BBS1: variants seen among roughly 807,000 people sequenced by gnomAD.
The protein encoded by BBS1 is BBSome complex member BBS1.
BBS1 carries 60 observed loss-of-function variants against 73.9 expected under a neutral mutation model. That is an observed-to-expected ratio of 0.81 (90% confidence interval 0.66 to 1.01). The LOEUF is 1.01. Among genes scored for constraint, BBS1 ranks in the 50% least tolerant of loss-of-function variants. The pLI is 0.00. For missense variants in BBS1, 718 were observed against 770.3 expected (o/e 0.93, Z 0.80); for synonymous variants, 283 against 317.4 (o/e 0.89, Z 1.15).
chr11:66,516,053 T>A, intron 7 of BBS1, 120 bp downstream of exon 7: 1 of 922,006 alleles, frequency 1.1e-6, no homozygotes, highest in Non-Finnish European at 1.7e-6. Context: ...GCTATATCCC[T>A]TCCAGCCATG....
chr11:66,515,617 C>T, intron 5 of BBS1, 31 bp downstream of exon 5: 1 of 1,614,204 alleles, frequency 6.2e-7, no homozygotes, highest in South Asian at 1.1e-5. Context: ...TCATACCCCC[C>T]TCACTCCTTC....
chr11:66,526,892 T>G (rs1856534131), intron 13 of BBS1, 85 bp downstream of exon 13: 2 of 1,610,204 alleles, frequency 1.2e-6, no homozygotes, highest in African/African-American at 1.3e-5. Flanking sequence ...CCAGCCTCCC[T>G]GTGCACTGGG....
Position 66,531,630 on chromosome 11 carries a change from CCTTA to C in BBS1, c.1609-22_1609-19del, listed in dbSNP as rs373706149. 4.6e-5 allele frequency: 74 copies of C among 1,614,010 alleles called. 1 individual carries two copies. Among genetic ancestry groups the C allele is most frequent in the African/African-American group, 2.4e-4 (18 of 75,038 alleles). On this transcript the variant is annotated intron_variant, in intron 15 of 16. Coordinates refer to ENST00000318312, the MANE Select transcript of BBS1 (RefSeq NM_024649.5). ...CAAACACTGGCACGAGGGCTGGTTTCCTTACTTCTTTGTCCCCAAACTTAGGTAC... is the reference window on the plus strand; with the variant it reads ...CAAACACTGGCACGAGGGCTGGTTTCCTTCTTTGTCCCCAAACTTAGGTAC...
At position 66,532,089 on chromosome 11, in the gene BBS1, G is replaced by T; in HGVS notation, c.*52G>T. 1 of 1,541,314 alleles carries T rather than the reference G, an allele frequency of 6.5e-7. No individual in the cohort carries two copies. ...CACAATCAGCCAGGGAGAACTGGGC[G>T]GGTTTAGTGGCCCCAGGCCCACTCC... On this transcript the variant is annotated 3_prime_UTR_variant, in exon 17 of 17. Transcript: ENST00000318312.
chr11:66,526,015 G>A (rs894555544), intron 11 of BBS1, 108 bp from the exon 12 acceptor site: 1 of 942,126 alleles, frequency 1.1e-6, no homozygotes, highest in Non-Finnish European at 1.7e-6. Context: ...CCCCAGGCCT[G>A]TCTCTATCAC....
At chr11:66,527,207 CAA>C (rs201003949) in intron 13 of BBS1, 1,449 of 438,054 alleles carry the variant, frequency 3.3e-3, no homozygotes, top group Middle Eastern at 4.8e-3. Flanking sequence ...ACTTCTTTCT[CAA>C]AAAAAAAAAA....
rs762511224 is a variant in BBS1, at chr11:66,515,552, C to T, written c.445C>T (p.Pro149Ser). ...CACATTGTCACAGGACCGAATCGAC[C>T]CCTTAACCCTGAAGGAGATGCTGGA... ...WNQAKEDRID[P>S]LTLKEMLESI... Residue 149 changes from proline (P) to serine (S), a missense_variant, in exon 5 of 17, where the codon CCC becomes TCC. Transcript: ENST00000318312. 10 of 1,614,138 alleles carry T rather than the reference C, an allele frequency of 6.2e-6. No individual in the cohort carries two copies. In the South Asian group the frequency reaches 1.1e-4, roughly 18 times the overall value.
intron 13 of BBS1, 42 bp from the exon 14 acceptor site, chr11:66,529,777 C>A: frequency 6.2e-7 from 1 of 1,606,488 alleles, no homozygotes; most frequent in Non-Finnish European, 8.5e-7. Context: ...CTCCCTGCCA[C>A]CCCCCACCTC....
At chr11:66,521,904 CAAAA>C (rs1183524219) in intron 9 of BBS1, among the ~76,000 whole-genome samples, 6 of 36,494 alleles carry the variant, frequency 1.6e-4, no homozygotes, top group South Asian at 1.1e-3. Context: ...GACTCCGTCT[CAAAA>C]AAAAAAAAAA....
chr11:66,515,326 A>G (rs1284301140), intron 4 of BBS1, among the ~76,000 whole-genome samples: 3 of 152,038 alleles, frequency 2.0e-5, no homozygotes, highest in Non-Finnish European at 4.4e-5. Context: ...GAGGAGGGGA[A>G]TTTGGGGAGG....
At chr11:66,525,802 A>G (rs117112180) in intron 11 of BBS1, among the ~76,000 whole-genome samples, 27,369 of 152,068 alleles carry the variant, frequency 0.18, 3,295 homozygotes, top group Non-Finnish European at 0.24. Context: ...TCTATCAGAG[A>G]CCAGACATAT....
At chr11:66,512,982 A>G (rs1565281072) in intron 3 of BBS1, among the ~76,000 whole-genome samples, 1 of 151,982 alleles carries the variant, frequency 6.6e-6, no homozygotes, top group Non-Finnish European at 1.5e-5. Context: ...AAAAAAAAAA[A>G]GAAATGTTAA....
chr11:66,523,608 C>A (rs775261434), intron 10 of BBS1, 32 bp downstream of exon 10: 1 of 1,613,808 alleles, frequency 6.2e-7, no homozygotes, highest in African/African-American at 1.3e-5. Context: ...AGCCCCTCCA[C>A]GCCTATGTCC....
In BBS1 at chr11:66,515,911, A is replaced by T. The variant is rs778672601; in HGVS notation, c.569A>T (p.Lys190Met). 3.0e-5 allele frequency: 49 copies of T among 1,614,206 alleles called. 1 individual carries two copies. The Admixed American group carries it at 8.0e-4, about 26-fold the overall frequency. ...ATGGAGGCATTTGTAAACCAACACA[A>T]GTCCAACTCCATCAAGCGGCAGGTA... ...SEMEAFVNQH[K>M]SNSIKRQTVI... The change falls in exon 7 of 17, where the codon AAG becomes ATG. Residue 190 changes from lysine (K) to methionine (M), a missense_variant. Lys to Met is a moderately conservative substitution (Grantham distance 95). Transcript: ENST00000318312.
At chr11:66,531,909 CAG>C (rs767389180) in intron 16 of BBS1, 40 bp from the exon 17 acceptor site, 3 of 1,570,310 alleles carry the variant, frequency 1.9e-6, no homozygotes, top group South Asian at 2.3e-5. Context: ...GGCAAGGGGT[CAG>C]GGGTGTATGC....
chr11:66,524,870 C>T (rs955362229), intron 11 of BBS1, among the ~76,000 whole-genome samples: 1 of 151,846 alleles, frequency 6.6e-6, no homozygotes, highest in Non-Finnish European at 1.5e-5. Flanking sequence ...GCCTGGCCAA[C>T]ATGGTGAAAC....
At chr11:66,527,173 G>C in intron 13 of BBS1, 1 of 614,704 alleles carries the variant, frequency 1.6e-6, no homozygotes, top group Non-Finnish European at 2.9e-6. Context: ...AGGAGTTCAA[G>C]ACCTACCTGG....
rs1166576321 is a variant in BBS1 at position 66,532,380 on chromosome 11, A to G, written c.*343A>G. 3.2e-6 allele frequency: 1 copy of G among 309,682 alleles called. No individual in the cohort carries two copies. Among genetic ancestry groups the G allele is most frequent in the Non-Finnish European group, 6.2e-6 (1 of 161,922 alleles). The allele number at this position is 309,682 out of a possible 1,614,324, so 19.2% of individuals were successfully genotyped here. A position where few individuals can be genotyped will look rare whatever the true frequency, so the allele number is the denominator to read the frequency against. ...AGCAGGACAGGCCCAGCCTTTCTCC[A>G]CTGCCACGTCCCTCATGCACATCAC... On this transcript the variant is annotated 3_prime_UTR_variant, in exon 17 of 17. Transcript: ENST00000318312.
chr11:66,517,915 T>G (rs906508337), intron 7 of BBS1, among the ~76,000 whole-genome samples: 1 of 151,098 alleles, frequency 6.6e-6, no homozygotes, highest in African/African-American at 2.4e-5. Context: ...TATATTCATA[T>G]ATTTTTAAAA....
Sources: gnomAD v4.1 joint callset for allele counts (sites outside exome capture counted in the v4.1 genomes callset) on GRCh38, gnomAD v4.1.1 for gene constraint, MANE v1.5 for transcripts, NCBI Gene and HGNC (gene_info 2026-07-23, HGNC 2026-07-21) for gene names.